Variants in SMARCA2 observed in about 807,000 individuals in gnomAD.
The protein encoded by SMARCA2 is SWI/SNF-related matrix-associated actin-dependent regulator of chromatin subfamily A member 2.
A neutral mutation model predicts 199.8 loss-of-function variants in SMARCA2; 61 were observed. The ratio of observed to expected loss-of-function variants is 0.31; its 90% CI spans 0.25 to 0.38. The LOEUF (loss-of-function observed/expected upper bound fraction) is 0.38, where lower values mean the gene tolerates loss of function less well. Among genes scored for constraint, SMARCA2 ranks in the 10% least tolerant of loss-of-function variants. SMARCA2 has a pLI of 1.00. For missense variants in SMARCA2, 1,344 were observed against 2,012.2 expected (o/e 0.67, Z 6.35); for synonymous variants, 935 against 732.0 (o/e 1.28, Z -4.48).
rs1026121300 is a variant in SMARCA2, at chr9:2,158,883, C to G, written c.3982-2803C>G. The G allele has an allele frequency of 7.2e-5, 111 of 1,549,258 alleles. 1 individual carries two copies. In the African/African-American group the frequency reaches 1.4e-3, roughly 20 times the overall value. ...CTTAGAAATCACAGAACATAAAGCA[C>G]TGCATATGGATGTGTTTGGGGTCTT... is the stretch of plus-strand genomic sequence containing the variant. On this transcript the variant is annotated intron_variant, in intron 27 of 33. Coordinates refer to ENST00000349721, the MANE Select transcript of SMARCA2 (RefSeq NM_003070.5).
intron 7 of SMARCA2, among the ~76,000 whole-genome samples, chr9:2,057,119 A>AAAATAGCAC (rs1338026503): frequency 1.3e-5 from 2 of 152,366 alleles, no homozygotes; most frequent in East Asian, 3.9e-4. Context: ...CTGCTATAAA[A>AAAATAGCAC]AAATAGCACA....
In SMARCA2 at chr9:2,027,529, T is replaced by G. The variant is rs145864612; in HGVS notation, c.-36-1458T>G. On this transcript the variant is annotated intron_variant, in intron 1 of 33. Transcript: ENST00000349721. ...TGAAATTTACTCTGCAGTTGATTCA[T>G]CAGATAATTTTTGAGCTATGACTAT... 3.2e-3 allele frequency among the ~76,000 whole-genome samples: 488 copies of G among 152,344 alleles called. 6 individuals are homozygous for G. Among genetic ancestry groups the G allele is most frequent in the African/African-American group, 0.011 (472 of 41,580 alleles).
chr9:2,168,958 T>G (rs1349233219), intron 28 of SMARCA2, among the ~76,000 whole-genome samples: 2 of 152,082 alleles, frequency 1.3e-5, no homozygotes, highest in East Asian at 3.8e-4. Flanking sequence ...AAGGTAGCAC[T>G]TGTTGTTTTC....
At position 2,063,500 on chromosome 9, in the gene SMARCA2, G is replaced by T. The variant is rs981921260; in HGVS notation, c.1692+2514G>T. Among the ~76,000 whole-genome samples, 8 of 152,096 alleles carry T rather than the reference G, an allele frequency of 5.3e-5. No individual in the cohort carries two copies. In the East Asian group the frequency reaches 1.5e-3, roughly 29 times the overall value. On this transcript the variant is annotated intron_variant, in intron 9 of 33. Transcript: ENST00000349721. The stretch of plus-strand genomic sequence containing the variant: ...ACTTTTCCATAGTATTAAGTATTAT[G>T]CTGTACCTATCAATATTTTTTAAAT...
intron 18 of SMARCA2, 109 bp from the exon 19 acceptor site, chr9:2,088,391 A>G: frequency 1.6e-6 from 2 of 1,284,612 alleles, no homozygotes. Context: ...GCTTTAATGC[A>G]TGTAAAATGT....
chr9:2,170,187 G>T lies in SMARCA2; in HGVS notation c.4200-232G>T, dbSNP rs775394351. ...GGTAACAGGAATTTCTGTGTGTGAC[G>T]GAAGTAGGAAAATCCCAGAAAGGTT... is the stretch of plus-strand genomic sequence containing the variant. On this transcript the variant is annotated intron_variant, in intron 28 of 33. Transcript: ENST00000349721. This position sits in a 1 kb window ranked among gnomAD's most constrained non-coding sequence, Gnocchi z 4.7. 6.6e-6 allele frequency among the ~76,000 whole-genome samples: 1 copy of T among 152,200 alleles called. No homozygotes were observed. The highest frequency in any genetic ancestry group is 1.5e-5 in the Non-Finnish European group (1 of 67,994).
At chr9:2,038,131 T>C (rs1284054331) in intron 3 of SMARCA2, among the ~76,000 whole-genome samples, 1 of 152,224 alleles carries the variant, frequency 6.6e-6, no homozygotes, top group East Asian at 1.9e-4. Context: ...CTTATTTTCA[T>C]ATAACCAAAT....
chr9:2,068,444 A>G (rs1030635261), intron 9 of SMARCA2, among the ~76,000 whole-genome samples: 1 of 152,162 alleles, frequency 6.6e-6, no homozygotes, highest in African/African-American at 2.4e-5. Context: ...TGCATTGTAA[A>G]GGAACTTCAG....
At chr9:2,033,227 C>A in intron 3 of SMARCA2, 146 bp downstream of exon 3, 2 of 792,970 alleles carry the variant, frequency 2.5e-6, no homozygotes, top group East Asian at 2.7e-5. Context: ...AATCTACCTC[C>A]GTCCTCACCA....
intron 5 of SMARCA2, among the ~76,000 whole-genome samples, chr9:2,049,192 C>T (rs777490934): frequency 1.3e-5 from 2 of 152,148 alleles, no homozygotes; most frequent in Non-Finnish European, 2.9e-5. Context: ...TTCCCTTATT[C>T]AGCCTGGTAT....
At chr9:2,160,554 T>C in intron 27 of SMARCA2, 1 of 699,584 alleles carries the variant, frequency 1.4e-6, no homozygotes, top group Non-Finnish European at 2.6e-6. Flanking sequence ...AATCACTCTT[T>C]ATATTGATTG....
At chr9:2,186,531 C>T (rs1021064175) in intron 32 of SMARCA2, among the ~76,000 whole-genome samples, 1 of 152,132 alleles carries the variant, frequency 6.6e-6, no homozygotes, top group Admixed American at 6.6e-5. Flanking sequence ...CAGGGTCTCA[C>T]TCTGTCACCC....
At chr9:2,164,132 G>A (rs1219717816) in intron 28 of SMARCA2, among the ~76,000 whole-genome samples, 3 of 152,064 alleles carry the variant, frequency 2.0e-5, no homozygotes, top group Non-Finnish European at 4.4e-5. Context: ...GGAGTGCGTC[G>A]CCATTTACCG....
chr9:2,039,127 A>C lies in SMARCA2; in HGVS notation c.356-339A>C, dbSNP rs112129209. On this transcript the variant is annotated intron_variant, in intron 3 of 33. Coordinates refer to ENST00000349721, the MANE Select transcript of SMARCA2 (RefSeq NM_003070.5). This position sits in a 1 kb window ranked among gnomAD's most constrained non-coding sequence, Gnocchi z 4.8. ...ATATTTAGTGGATTTCAAAGACTTA[A>C]TATGAAAAAAAGAATGTAGAATGTC... 4.0e-3 allele frequency among the ~76,000 whole-genome samples: 614 copies of C among 152,282 alleles called. 5 individuals are homozygous for C. Among genetic ancestry groups the C allele is most frequent in the African/African-American group, 0.014 (583 of 41,562 alleles).
intron 2 of SMARCA2, among the ~76,000 whole-genome samples, chr9:2,030,357 C>G (rs1221977063): frequency 6.6e-6 from 1 of 151,924 alleles, no homozygotes; most frequent in East Asian, 1.9e-4. Context: ...ACCAGGAGTT[C>G]CAGGAGAACT....
At position 2,027,315 on chromosome 9, in the gene SMARCA2, G is replaced by A. The variant is rs988633013; in HGVS notation, c.-36-1672G>A. On this transcript the variant is annotated intron_variant, in intron 1 of 33. Transcript: ENST00000349721. The stretch of plus-strand genomic sequence containing the variant: ...AAAATTAGCTTGGCACGGTGGCGCC[G>A]CCTGTAGTCCTAGCTACTTGGGAGG... Among the ~76,000 whole-genome samples the A allele has an allele frequency of 2.0e-5, 3 of 151,750 alleles. No homozygotes were observed. In the East Asian group the frequency reaches 5.8e-4, roughly 29 times the overall value.
At chr9:2,187,600 C>T (rs1185157251) in intron 32 of SMARCA2, among the ~76,000 whole-genome samples, 4 of 152,132 alleles carry the variant, frequency 2.6e-5, no homozygotes, top group South Asian at 2.1e-4. Flanking sequence ...ATTGCTTAGT[C>T]TAGGTGTTCA....
At position 2,115,729 on chromosome 9, in the gene SMARCA2, G is replaced by C; in HGVS notation, c.3457-93G>C. ...CTTACCTTAGTGAAGGTGAAATACA[G>C]AACCCTTCCATATTTCCCTCTGGGG... On this transcript the variant is annotated intron_variant, in intron 24 of 33. Coordinates refer to ENST00000349721, the MANE Select transcript of SMARCA2 (RefSeq NM_003070.5). The surrounding 1 kb of genome is among the most constrained non-coding windows in gnomAD (Gnocchi z 6.0). 1.1e-6 allele frequency: 1 copy of C among 950,008 alleles called. No homozygotes were observed. Among genetic ancestry groups the C allele is most frequent in the East Asian group, 2.6e-5 (1 of 37,946 alleles). The allele number at this position is 950,008 out of a possible 1,614,324, so 58.8% of individuals were successfully genotyped here.
Position 2,086,874 on chromosome 9 carries a change from A to G in SMARCA2, c.2572A>G (p.Asn858Asp). The change falls in exon 18 of 34, where the codon AAT (asparagine) becomes GAT (aspartate). Residue 858 changes from asparagine (N) to aspartate (D), a missense_variant. Physicochemically the swap from Asn to Asp is conservative, Grantham distance 23 (BLOSUM62 1). Coordinates refer to ENST00000349721, the MANE Select transcript of SMARCA2 (RefSeq NM_003070.5). The surrounding 1 kb of genome is among the most constrained non-coding windows in gnomAD (Gnocchi z 4.3). ...MIVDEGHRMKNHHCKLTQVLN... is the reference protein window; with the variant it reads ...MIVDEGHRMKDHHCKLTQVLN... ...AGTGGACGAAGGCCACCGAATGAAG[A>G]ATCACCACTGCAAGCTGACTCAGGT... The G allele has an allele frequency of 6.2e-7, 1 of 1,614,152 alleles. No homozygotes were observed. Among genetic ancestry groups the G allele is most frequent in the Non-Finnish European group, 8.5e-7 (1 of 1,180,002 alleles).
Sources: allele counts gnomAD v4.1 joint callset (sites outside exome capture counted in the v4.1 genomes callset), GRCh38; gene constraint gnomAD v4.1.1; non-coding constraint Gnocchi (gnomAD v3.1); transcripts MANE v1.5; gene names NCBI Gene and HGNC (gene_info 2026-07-23, HGNC 2026-07-21).